The following MTMR14 variants were observed in gnomAD, a reference collection of about 807,000 sequenced individuals.
MTMR14 encodes myotubularin related protein 14.
MTMR14 carries 48 observed loss-of-function variants against 86.3 expected under a neutral mutation model. That is an observed-to-expected ratio of 0.56 (90% CI 0.44 to 0.71). The LOEUF (loss-of-function observed/expected upper bound fraction) is 0.71, where lower values mean the gene tolerates loss of function less well. MTMR14 is among the 30% of genes least tolerant of loss of function. The pLI, the probability that MTMR14 is intolerant of heterozygous loss-of-function variation, is 0.00. For synonymous variants in MTMR14, 366 were observed against 326.1 expected (o/e 1.12, Z -1.32); for missense variants, 780 against 834.6 (o/e 0.93, Z 0.81).
At chr3:9,683,914 G>T (rs2075853161) in intron 10 of MTMR14, among the ~76,000 whole-genome samples, 1 of 152,214 alleles carries the variant, frequency 6.6e-6, no homozygotes, top group African/African-American at 2.4e-5. Context: ...AGCTCCCCCA[G>T]GGGAGACTAC....
chr3:9,667,951 C>G lies in MTMR14; in HGVS notation c.418-768C>G, dbSNP rs1435388909. On this transcript the variant is annotated intron_variant, in intron 3 of 18. Transcript: ENST00000296003. ...ATTTCCCATTGTAGTGTAACAGGGT[C>G]ATGTTCTCCTAGCCTTTAGCTAAAT... 5.9e-5 allele frequency among the ~76,000 whole-genome samples: 9 copies of G among 152,208 alleles called. No individual in the cohort carries two copies. In the East Asian group the frequency reaches 1.5e-3, roughly 26 times the overall value.
chr3:9,688,354 C>T (rs910628480), intron 14 of MTMR14, among the ~76,000 whole-genome samples: 2 of 152,190 alleles, frequency 1.3e-5, no homozygotes, highest in Non-Finnish European at 1.5e-5. Context: ...CTGGCAACTG[C>T]CTTAGGACCC....
At chr3:9,663,815 G>T (rs772443199) in intron 3 of MTMR14, among the ~76,000 whole-genome samples, 9 of 129,688 alleles carry the variant, frequency 6.9e-5, no homozygotes, top group Non-Finnish European at 1.5e-4. Flanking sequence ...GCACGGCCTG[G>T]AGTCTCTTCT....
intron 3 of MTMR14, among the ~76,000 whole-genome samples, chr3:9,663,615 G>A (rs1352117200): frequency 2.8e-5 from 4 of 145,248 alleles, no homozygotes; most frequent in Admixed American, 2.2e-4. Flanking sequence ...CCGGGTTCAC[G>A]CCATTCTCCT....
intron 3 of MTMR14, among the ~76,000 whole-genome samples, chr3:9,666,089 T>G (rs1292095254): frequency 6.6e-6 from 1 of 152,016 alleles, no homozygotes; most frequent in East Asian, 1.9e-4. Context: ...AAAAACAACT[T>G]TGAAATGAGT....
At chr3:9,657,655 A>C (rs2047687048) in intron 2 of MTMR14, among the ~76,000 whole-genome samples, 1 of 151,642 alleles carries the variant, frequency 6.6e-6, no homozygotes, top group Non-Finnish European at 1.5e-5. Flanking sequence ...GGTTCAAGTG[A>C]TTCTCCTGCC....
At chr3:9,686,399 T>A (rs937980389) in intron 13 of MTMR14, among the ~76,000 whole-genome samples, 2 of 152,162 alleles carry the variant, frequency 1.3e-5, no homozygotes, top group African/African-American at 4.8e-5. Flanking sequence ...CTGAACCAAG[T>A]AGTGTCTGAG....
chr3:9,669,054 C>T (rs946277656), intron 4 of MTMR14, among the ~76,000 whole-genome samples: 3 of 151,584 alleles, frequency 2.0e-5, no homozygotes, highest in South Asian at 2.1e-4. Context: ...GCAGGAGAAT[C>T]GCTTGAACCC....
At chr3:9,657,549 T>TA (rs2047679541) in intron 2 of MTMR14, among the ~76,000 whole-genome samples, 1 of 150,708 alleles carries the variant, frequency 6.6e-6, no homozygotes, top group African/African-American at 2.4e-5. Flanking sequence ...TCACCACTCT[T>TA]TTTTTTTTTC....
At chr3:9,686,708 T>TG (rs900302427) in intron 13 of MTMR14, among the ~76,000 whole-genome samples, 5 of 152,168 alleles carry the variant, frequency 3.3e-5, no homozygotes, top group Non-Finnish European at 7.3e-5. Flanking sequence ...CCTCTCCTTG[T>TG]GGGGGGCAGC....
rs543649232 is a variant in MTMR14 at position 9,684,790 on chromosome 3, C to T, written c.1051-98C>T. On this transcript the variant is annotated intron_variant, in intron 11 of 18. Transcript: ENST00000296003. ...GCAGATGTGTTTAACCCTGTCCTTCCGGGTGTTCTTCAGCCTGCGTTGTCA... is the reference window on the plus strand; with the variant it reads ...GCAGATGTGTTTAACCCTGTCCTTCTGGGTGTTCTTCAGCCTGCGTTGTCA... 267 of 1,537,156 alleles carry T rather than the reference C, an allele frequency of 1.7e-4. No individual in the cohort carries two copies. In the Middle Eastern group the frequency reaches 2.2e-3, roughly 13 times the overall value.
intron 1 of MTMR14, 48 bp downstream of exon 1, chr3:9,649,790 G>A (rs570618789): frequency 6.2e-7 from 1 of 1,608,308 alleles, no homozygotes; most frequent in Non-Finnish European, 8.5e-7. Context: ...AACTTGGGAA[G>A]TTACAGAGGA....
At chr3:9,669,593 C>A in intron 5 of MTMR14, 101 bp downstream of exon 5, 2 of 1,250,746 alleles carry the variant, frequency 1.6e-6, no homozygotes, top group South Asian at 1.5e-5. Context: ...GTCACTGGTT[C>A]AGGTGAGTGG....
intron 13 of MTMR14, among the ~76,000 whole-genome samples, chr3:9,686,413 G>C (rs780062820): frequency 5.3e-5 from 8 of 152,162 alleles, no homozygotes; most frequent in Non-Finnish European, 1.0e-4. Flanking sequence ...GTCTGAGTTT[G>C]AGCCCTTGGC....
At chr3:9,649,779 T>G in intron 1 of MTMR14, 37 bp downstream of exon 1, 1 of 1,610,972 alleles carries the variant, frequency 6.2e-7, no homozygotes, top group South Asian at 1.1e-5. Flanking sequence ...GGAAGGCTCC[T>G]AACTTGGGAA....
At chr3:9,698,285 G>A (rs1377315162) in intron 18 of MTMR14, among the ~76,000 whole-genome samples, 1 of 152,038 alleles carries the variant, frequency 6.6e-6, no homozygotes, top group Non-Finnish European at 1.5e-5. Context: ...CAGAACCTAG[G>A]GTTACTTGCT....
chr3:9,650,239 G>T (rs975642766), intron 1 of MTMR14: 3 of 447,740 alleles, frequency 6.7e-6, no homozygotes, highest in Non-Finnish European at 1.4e-5. Flanking sequence ...CCCCTATAGA[G>T]CAGGAAGACA....
intron 17 of MTMR14, among the ~76,000 whole-genome samples, chr3:9,696,272 C>A (rs1297201474): frequency 6.6e-6 from 1 of 152,128 alleles, no homozygotes; most frequent in African/African-American, 2.4e-5. Context: ...CTGAGGCAGG[C>A]GGATCACCAG....
At chr3:9,670,996 C>A (rs948785197) in intron 5 of MTMR14, 52 bp from the exon 6 acceptor site, 6 of 1,612,348 alleles carry the variant, frequency 3.7e-6, no homozygotes, top group Admixed American at 1.7e-5. Context: ...CACCCCCAAG[C>A]TCCTGTGAGT....
Sources: gnomAD v4.1 joint callset for allele counts (sites outside exome capture counted in the v4.1 genomes callset) on GRCh38, gnomAD v4.1.1 for gene constraint, MANE v1.5 for transcripts, NCBI Gene and HGNC (gene_info 2026-07-23, HGNC 2026-07-21) for gene names.